Variants in CDH18 observed in about 807,000 individuals in gnomAD.
CDH18 encodes the protein cadherin 18.
CDH18 carries 31 observed loss-of-function variants against 67.9 expected under a neutral mutation model. That is an observed-to-expected ratio of 0.46 (90% confidence interval 0.34 to 0.62). The LOEUF is 0.62. Among genes scored for constraint, CDH18 ranks in the 20% least tolerant of loss-of-function variants. The probability of loss-of-function intolerance (pLI) is 0.01; values close to 1 mark genes in which losing one functional copy is unlikely to be tolerated. For synonymous variants in CDH18, 362 were observed against 347.2 expected, an observed-to-expected ratio of 1.04 and a Z score of -0.48; for missense variants, 890 against 975.5, an observed-to-expected ratio of 0.91 and a Z score of 1.17.
chr5:19,782,421 G>A (rs901206034), intron 3 of CDH18, among the ~76,000 whole-genome samples: 2 of 152,150 alleles, frequency 1.3e-5, no homozygotes, highest in Non-Finnish European at 2.9e-5. Flanking sequence ...TTTGCATGGG[G>A]ACACAGAGCC....
At chr5:20,182,924 GAATGGGATGTATATAT>G (rs1737808313) in intron 2 of CDH18, among the ~76,000 whole-genome samples, 1 of 151,998 alleles carries the variant, frequency 6.6e-6, no homozygotes, top group African/African-American at 2.4e-5. Flanking sequence ...TCTCTATATC[GAATGGGATGTATATAT>G]AATGGGATAG....
chr5:20,455,530 G>A (rs1002981205), intron 1 of CDH18, among the ~76,000 whole-genome samples: 3 of 152,014 alleles, frequency 2.0e-5, no homozygotes, highest in African/African-American at 7.2e-5. Flanking sequence ...GAGAAGAGGG[G>A]ATAGACGCTA....
chr5:20,192,842 T>C (rs1738656532), intron 2 of CDH18, among the ~76,000 whole-genome samples: 1 of 152,168 alleles, frequency 6.6e-6, no homozygotes, highest in Non-Finnish European at 1.5e-5. Context: ...GAGGTCTTTT[T>C]TGATTCCATA....
chr5:19,757,263 T>C (rs1190618829), intron 3 of CDH18, among the ~76,000 whole-genome samples: 1 of 152,182 alleles, frequency 6.6e-6, no homozygotes, highest in East Asian at 1.9e-4. Context: ...AGTAAGTGTC[T>C]ATTCCAGTGA....
chr5:19,924,931 C>A (rs1471350137), intron 2 of CDH18, among the ~76,000 whole-genome samples: 1 of 152,128 alleles, frequency 6.6e-6, no homozygotes, highest in Non-Finnish European at 1.5e-5. Context: ...GACCCTTGAA[C>A]AAGGCAGGGA....
chr5:19,519,602 G>C (rs1238437827), intron 10 of CDH18, among the ~76,000 whole-genome samples: 1 of 152,110 alleles, frequency 6.6e-6, no homozygotes, highest in African/African-American at 2.4e-5. Context: ...CTGTGTCTTG[G>C]TTCTGAAAAC....
intron 2 of CDH18, among the ~76,000 whole-genome samples, chr5:19,852,601 T>C (rs2149933650): frequency 6.6e-6 from 1 of 152,192 alleles, no homozygotes; most frequent in Non-Finnish European, 1.5e-5. Flanking sequence ...AAATATTCTC[T>C]ACTTTTCATT....
chr5:19,754,022 C>A (rs188428597), intron 3 of CDH18, among the ~76,000 whole-genome samples: 65 of 152,150 alleles, frequency 4.3e-4, no homozygotes, highest in African/African-American at 1.5e-3. Flanking sequence ...CAAAACGGAA[C>A]CTTTTTAAGC....
chr5:19,615,993 T>C (rs1304364162), intron 5 of CDH18, among the ~76,000 whole-genome samples: 2 of 152,136 alleles, frequency 1.3e-5, no homozygotes, highest in African/African-American at 4.8e-5. Flanking sequence ...TGCATAAACA[T>C]CTACATATGG....
intron 2 of CDH18, among the ~76,000 whole-genome samples, chr5:20,212,796 T>C (rs1042822826): frequency 5.9e-5 from 9 of 152,246 alleles, no homozygotes; most frequent in African/African-American, 2.2e-4. Flanking sequence ...TTTTTGCTGG[T>C]AGAGGGTCTT....
intron 1 of CDH18, among the ~76,000 whole-genome samples, chr5:20,354,026 T>G (rs1017889769): frequency 3.7e-4 from 56 of 152,218 alleles, no homozygotes; most frequent in Non-Finnish European, 7.5e-4. Flanking sequence ...TAAAGCTGAA[T>G]TCTTGTTTTA....
intron 6 of CDH18, among the ~76,000 whole-genome samples, chr5:19,596,668 C>T (rs566050746): frequency 2.0e-5 from 3 of 152,206 alleles, no homozygotes; most frequent in South Asian, 4.1e-4. Context: ...AGACTCACGG[C>T]CCAGAAAACA....
At chr5:19,483,830 T>C (rs1418922939) in intron 11 of CDH18, among the ~76,000 whole-genome samples, 1 of 152,174 alleles carries the variant, frequency 6.6e-6, no homozygotes, top group African/African-American at 2.4e-5. Context: ...ATGGACCTAA[T>C]AGCTATAAGA....
chr5:20,426,801 A>C (rs146268769), intron 1 of CDH18, among the ~76,000 whole-genome samples: 1,886 of 151,192 alleles, frequency 0.012, 24 homozygotes, highest in Non-Finnish European at 0.019. Context: ...AATGATATGC[A>C]CCCCCTACCT....
At chr5:19,905,037 C>A (rs988853232) in intron 2 of CDH18, among the ~76,000 whole-genome samples, 1 of 152,040 alleles carries the variant, frequency 6.6e-6, no homozygotes, top group Admixed American at 6.6e-5. Flanking sequence ...TGATAAAGAA[C>A]CTCAATTTAT....
chr5:19,837,763 T>G (rs1781839585), intron 3 of CDH18, among the ~76,000 whole-genome samples: 1 of 150,858 alleles, frequency 6.6e-6, no homozygotes, highest in South Asian at 2.1e-4. Flanking sequence ...GGAATACTAT[T>G]TTTTTTAGTA....
At chr5:20,352,137 G>A (rs1424578670) in intron 1 of CDH18, among the ~76,000 whole-genome samples, 3 of 152,118 alleles carry the variant, frequency 2.0e-5, no homozygotes, top group Non-Finnish European at 4.4e-5. Flanking sequence ...GAACTGTGAG[G>A]ATCCATTTAT....
intron 2 of CDH18, among the ~76,000 whole-genome samples, chr5:19,995,204 C>G (rs1374070421): frequency 6.6e-6 from 1 of 151,976 alleles, no homozygotes; most frequent in Non-Finnish European, 1.5e-5. Flanking sequence ...TACTGTTTTA[C>G]CAGCTATCTA....
At chr5:19,994,730 TATATATATAGAGAGAG>T (rs1305836513) in intron 2 of CDH18, among the ~76,000 whole-genome samples, 106 of 16,610 alleles carry the variant, frequency 6.4e-3, no homozygotes, top group Non-Finnish European at 9.7e-3. Flanking sequence ...TATATATATA[TATATATATAGAGAGAG>T]AGAGAGAGAG....
Sources: gnomAD v4.1 joint callset for allele counts (sites outside exome capture counted in the v4.1 genomes callset) on GRCh38, gnomAD v4.1.1 for gene constraint, MANE v1.5 for transcripts, NCBI Gene and HGNC (gene_info 2026-07-23, HGNC 2026-07-21) for gene names.